SVBP: variants seen among roughly 807,000 people sequenced by gnomAD.
SVBP encodes small vasohibin binding protein, also known as small vasohibin-binding protein.
SVBP carries 9 observed loss-of-function variants against 9.2 expected under a neutral mutation model. The observed-to-expected ratio is 0.98, with a 90% CI of 0.59 to 1.71. SVBP has a LOEUF of 1.71. Among genes scored for constraint, SVBP ranks in the 40% most tolerant of loss-of-function variants. The pLI is 0.00. For synonymous variants in SVBP, 27 were observed against 23.9 expected, an observed-to-expected ratio of 1.13 and a Z score of -0.37; for missense variants, 63 against 73.2, an observed-to-expected ratio of 0.86 and a Z score of 0.51.
chr1:42,815,039 T>C (rs1654167344), intron 2 of SVBP, among the ~76,000 whole-genome samples: 1 of 151,720 alleles, frequency 6.6e-6, no homozygotes. Context: ...TATGCAGCCA[T>C]AAAAAGGGAT....
chr1:42,813,069 CTT>C (rs768769643), intron 2 of SVBP, among the ~76,000 whole-genome samples: 22 of 152,154 alleles, frequency 1.4e-4, no homozygotes, highest in African/African-American at 2.7e-4. Flanking sequence ...GCCAAATCCT[CTT>C]GTCTTTTAAA....
Position 42,817,282 on chromosome 1 carries a change from AC to A in SVBP, c.-130del, listed in dbSNP as rs1209865462. On this transcript the variant is annotated 5_prime_UTR_variant, in exon 1 of 3. Transcript: ENST00000372521. ...ATCCTCGCCTTCCCCCGACCACTGG[AC>A]CCAGCGCTGCCTGCCCACCGCCCCT... The A allele has an allele frequency of 1.3e-5, 16 of 1,221,352 alleles. No individual in the cohort carries two copies. In the African/African-American group the frequency reaches 2.6e-4, roughly 20 times the overall value. The allele number at this position is 1,221,352 out of a possible 1,614,324, so 75.7% of individuals were successfully genotyped here.
intron 2 of SVBP, among the ~76,000 whole-genome samples, chr1:42,812,575 G>C (rs1278619027): frequency 6.6e-6 from 1 of 152,102 alleles, no homozygotes; most frequent in Admixed American, 6.5e-5. Flanking sequence ...TCCTCCCCTG[G>C]TAACGTTAGA....
At chr1:42,813,548 G>A (rs1287308922) in intron 2 of SVBP, 2 of 533,172 alleles carry the variant, frequency 3.8e-6, no homozygotes, top group Non-Finnish European at 7.6e-6. Flanking sequence ...TTTTCATTCT[G>A]AACAGAGATA....
chr1:42,808,633 A>G (rs892500348), intron 2 of SVBP, among the ~76,000 whole-genome samples: 4 of 148,828 alleles, frequency 2.7e-5, no homozygotes, highest in African/African-American at 9.8e-5. Flanking sequence ...ATAAGCCTAT[A>G]TATGTATGTA....
At chr1:42,808,476 T>C (rs1344085350) in intron 2 of SVBP, among the ~76,000 whole-genome samples, 1 of 146,054 alleles carries the variant, frequency 6.8e-6, no homozygotes, top group Non-Finnish European at 1.5e-5. Flanking sequence ...TAATAGTGTA[T>C]ATATACTATA....
intron 2 of SVBP, among the ~76,000 whole-genome samples, chr1:42,814,697 T>A (rs1404089497): frequency 3.9e-5 from 6 of 152,022 alleles, no homozygotes; most frequent in African/African-American, 1.4e-4. Context: ...AGAATGGCGA[T>A]CATTAAAAAG....
chr1:42,812,317 T>C (rs1654099334), intron 2 of SVBP, among the ~76,000 whole-genome samples: 1 of 152,234 alleles, frequency 6.6e-6, no homozygotes, highest in Non-Finnish European at 1.5e-5. Flanking sequence ...GAAAAGCTGG[T>C]GGATGCCATG....
At chr1:42,812,976 T>G (rs1654111761) in intron 2 of SVBP, among the ~76,000 whole-genome samples, 1 of 152,230 alleles carries the variant, frequency 6.6e-6, no homozygotes, top group Non-Finnish European at 1.5e-5. Context: ...AAGTTTTTTT[T>G]GCCAATTTTA....
At chr1:42,813,557 T>C (rs1315611648) in intron 2 of SVBP, 3 of 532,468 alleles carry the variant, frequency 5.6e-6, no homozygotes, top group Non-Finnish European at 7.6e-6. Context: ...TGAACAGAGA[T>C]ACTCCATTTT....
chr1:42,807,546 C>T lies in SVBP; in HGVS notation c.115-46G>A, dbSNP rs769966670. On this transcript the variant is annotated intron_variant, in intron 2 of 2. Transcript: ENST00000372521. ...CATCTGTTAGCAATGGAAGCAGCTG[C>T]ACAAAGCATCTTCTGACATAACAGG... is the stretch of plus-strand genomic sequence containing the variant. 1.8e-5 allele frequency: 26 copies of T among 1,419,482 alleles called. No individual in the cohort carries two copies. In the African/African-American group the frequency reaches 2.7e-4, roughly 15 times the overall value. 87.9% of individuals were successfully genotyped at this position (1,419,482 alleles called of 1,614,324 possible). A position where few individuals can be genotyped will look rare whatever the true frequency, so the allele number is the denominator to read the frequency against.
chr1:42,815,402 C>CA (rs60301880), intron 2 of SVBP, among the ~76,000 whole-genome samples: 47,138 of 142,138 alleles, frequency 0.33, 7,856 homozygotes, highest in East Asian at 0.66. Flanking sequence ...GACTCCATCT[C>CA]AAAAAAAAAA....
In SVBP at chr1:42,813,894, AG is replaced by A. The variant is rs540748244; in HGVS notation, c.114+2536del. 1.4e-3 allele frequency: 368 copies of A among 255,350 alleles called. 3 individuals carry two copies. The highest frequency in any genetic ancestry group is 2.9e-3 in the Middle Eastern group (2 of 684). The allele number at this position is 255,350 out of a possible 1,614,324, so 15.8% of individuals were successfully genotyped here. On this transcript the variant is annotated intron_variant, in intron 2 of 2. Transcript: ENST00000372521. ...GGGAAGGTAAAGGACCACAGCTCTC[AG>A]GGGGTCTGCCTTAACCCAAAGGTAG... is the stretch of plus-strand genomic sequence containing the variant.
chr1:42,814,686 T>C (rs1396893622), intron 2 of SVBP, among the ~76,000 whole-genome samples: 1 of 152,042 alleles, frequency 6.6e-6, no homozygotes, highest in Non-Finnish European at 1.5e-5. Flanking sequence ...TCACACCAGT[T>C]AGAATGGCGA....
chr1:42,817,310 G>C lies in SVBP; in HGVS notation c.-157C>G, dbSNP rs987849407. On this transcript the variant is annotated 5_prime_UTR_variant, in exon 1 of 3. Coordinates refer to ENST00000372521, the MANE Select transcript of SVBP (RefSeq NM_199342.4). Reference sequence around the variant, plus strand: ...CAGCGCTGCCTGCCCACCGCCCCTCGTCCTGGGCGGGGCCGCGCGCCGGGG... The same window carrying C: ...CAGCGCTGCCTGCCCACCGCCCCTCCTCCTGGGCGGGGCCGCGCGCCGGGG... 42 of 1,172,024 alleles carry C rather than the reference G, an allele frequency of 3.6e-5. No individual in the cohort carries two copies. The highest frequency in any genetic ancestry group is 4.5e-5 in the Non-Finnish European group (41 of 909,564). The allele number at this position is 1,172,024 out of a possible 1,614,324, so 72.6% of individuals were successfully genotyped here.
intron 2 of SVBP, 107 bp downstream of exon 2, chr1:42,816,324 C>A: frequency 1.2e-6 from 1 of 812,954 alleles, no homozygotes; most frequent in Non-Finnish European, 2.0e-6. Flanking sequence ...ACCCATCCTG[C>A]CTGGAGGCAA....
intron 2 of SVBP, among the ~76,000 whole-genome samples, chr1:42,810,870 C>T (rs1035965363): frequency 2.0e-5 from 3 of 151,922 alleles, no homozygotes; most frequent in East Asian, 3.9e-4. Context: ...ATAGGCGCGG[C>T]GGCTCACATA....
intron 2 of SVBP, chr1:42,813,754 C>A: frequency 3.8e-6 from 2 of 527,248 alleles, no homozygotes; most frequent in South Asian, 2.8e-5. Context: ...CAATGGTTTT[C>A]TTATCTGTAG....
At chr1:42,812,224 A>G (rs1654097958) in intron 2 of SVBP, among the ~76,000 whole-genome samples, 1 of 152,236 alleles carries the variant, frequency 6.6e-6, no homozygotes, top group Admixed American at 6.5e-5. Flanking sequence ...ATGGTAAAAT[A>G]AATTGAATTT....
Sources: allele counts gnomAD v4.1 joint callset (sites outside exome capture counted in the v4.1 genomes callset), GRCh38; gene constraint gnomAD v4.1.1; transcripts MANE v1.5; gene names NCBI Gene and HGNC (gene_info 2026-07-23, HGNC 2026-07-21).